Variants in FAM120C observed in about 807,000 individuals in gnomAD.
FAM120C encodes the protein constitutive coactivator of PPAR-gamma-like protein 2.
Under a neutral mutation model 71.2 loss-of-function variants are expected in FAM120C, and 14 were observed. The ratio of observed to expected loss-of-function variants is 0.20; its 90% confidence interval spans 0.13 to 0.31. The LOEUF (loss-of-function observed/expected upper bound fraction) is 0.31. Among genes scored for constraint, FAM120C ranks in the 10% least tolerant of loss-of-function variants. FAM120C has a pLI of 1.00. For missense variants in FAM120C, 500 were observed against 879.0 expected (o/e 0.57, Z 5.45); for synonymous variants, 354 against 353.2 (o/e 1.00, Z -0.03).
chrX:54,177,093 A>AT (rs1372284754), intron 1 of FAM120C, among the ~76,000 whole-genome samples: 2 of 111,577 alleles, frequency 1.8e-5, no homozygotes, highest in Non-Finnish European at 3.8e-5. Flanking sequence ...AACTAAGAAA[A>AT]TATAGAATGG....
chrX:54,078,345 C>T (rs955294230), intron 15 of FAM120C, among the ~76,000 whole-genome samples: 91 of 111,179 alleles, frequency 8.2e-4, no homozygotes, highest in African/African-American at 5.2e-4. Flanking sequence ...TACTACCTTA[C>T]GAGAGCCTAT....
rs182857975 is a variant in FAM120C, at chrX:54,106,602, A to G, written c.2312+9943T>C. Among the ~76,000 whole-genome samples the G allele has an allele frequency of 3.6e-5, 4 of 112,278 alleles. No individual in the cohort carries two copies. In the Admixed American group the frequency reaches 3.8e-4, roughly 11 times the overall value. On this transcript the variant is annotated intron_variant, in intron 10 of 15. Coordinates refer to ENST00000375180, the MANE Select transcript of FAM120C (RefSeq NM_017848.6). Reference sequence around the variant, plus strand: ...AAGCTTCTGCACAGCAAAAGAAACTATCATCAGAGTGAACAGGCAACCTAC... The same window carrying G: ...AAGCTTCTGCACAGCAAAAGAAACTGTCATCAGAGTGAACAGGCAACCTAC...
At chrX:54,112,213 T>TC (rs1334773069) in intron 10 of FAM120C, among the ~76,000 whole-genome samples, 3 of 108,278 alleles carry the variant, frequency 2.8e-5, no homozygotes, top group African/African-American at 1.0e-4. Context: ...GGTCAGGAGT[T>TC]CGAGACTGGC....
intron 10 of FAM120C, among the ~76,000 whole-genome samples, chrX:54,111,781 AC>A (rs1247272461): frequency 1.8e-5 from 2 of 112,165 alleles, no homozygotes; most frequent in Non-Finnish European, 3.8e-5. Flanking sequence ...ATTAGAAAAA[AC>A]AATCCTAAAA....
At chrX:54,142,978 G>C (rs189637806) in intron 4 of FAM120C, among the ~76,000 whole-genome samples, 99 of 111,791 alleles carry the variant, frequency 8.9e-4, no homozygotes, top group African/African-American at 3.2e-3. Context: ...AGGTAAACAG[G>C]GTCTGGAGTG....
At chrX:54,107,282 C>T (rs1030081699) in intron 10 of FAM120C, among the ~76,000 whole-genome samples, 2 of 108,156 alleles carry the variant, frequency 1.8e-5, no homozygotes, top group Non-Finnish European at 3.8e-5. Context: ...TTTTTACTAG[C>T]GACGGGGTTT....
In FAM120C at chrX:54,070,393, T is replaced by A. The variant is rs1432782882; in HGVS notation, c.*2640A>T. 8.9e-6 allele frequency: 1 copy of A among 112,339 alleles called. No individual in the cohort carries two copies. Among genetic ancestry groups the A allele is most frequent in the African/African-American group, 3.2e-5 (1 of 30,970 alleles). 9.3% of individuals were successfully genotyped at this position (112,339 alleles called of 1,213,427 possible). On this transcript the variant is annotated 3_prime_UTR_variant, in exon 16 of 16. Coordinates refer to ENST00000375180, the MANE Select transcript of FAM120C (RefSeq NM_017848.6). ...CCTCTCACAGTGAATGCCTACAAAA[T>A]AAGAAATTTTCTTAATGGTGTGAGA...
At chrX:54,118,707 T>C (rs1177361876) in intron 9 of FAM120C, among the ~76,000 whole-genome samples, 148 of 87,389 alleles carry the variant, frequency 1.7e-3, no homozygotes, top group African/African-American at 4.3e-3. Flanking sequence ...TTCTTTTTTT[T>C]TTTTTTTTTT....
chrX:54,080,797 G>A (rs1485128430), intron 14 of FAM120C, among the ~76,000 whole-genome samples: 1 of 107,169 alleles, frequency 9.3e-6, no homozygotes, highest in East Asian at 2.9e-4. Flanking sequence ...CGGAGGTGGA[G>A]GTTGCAGTGT....
intron 15 of FAM120C, among the ~76,000 whole-genome samples, chrX:54,078,298 G>A (rs2066747083): frequency 9.0e-6 from 1 of 110,672 alleles, no homozygotes; most frequent in South Asian, 3.8e-4. Context: ...TATGCCTGAT[G>A]ACCAGACCCT....
chrX:54,137,625 T>C (rs371470276), intron 4 of FAM120C, among the ~76,000 whole-genome samples: 3 of 112,007 alleles, frequency 2.7e-5, no homozygotes, highest in East Asian at 5.6e-4. Context: ...ATATTGTCTA[T>C]ATAAATTTTT....
chrX:54,134,115 C>A lies in FAM120C; in HGVS notation c.1617-69G>T. On this transcript the variant is annotated intron_variant, in intron 7 of 15. Coordinates refer to ENST00000375180, the MANE Select transcript of FAM120C (RefSeq NM_017848.6). Reference sequence around the variant, plus strand: ...GATAAAGATATTCCTACTTAAGATGCCTGTTCTGGACCCAAGGGGTCTCAC... The same window carrying A: ...GATAAAGATATTCCTACTTAAGATGACTGTTCTGGACCCAAGGGGTCTCAC... 3.7e-6 allele frequency: 4 copies of A among 1,080,690 alleles called. No homozygotes were observed. In the South Asian group the frequency reaches 8.5e-5, roughly 23 times the overall value. 89.1% of individuals were successfully genotyped at this position (1,080,690 alleles called of 1,213,427 possible).
chrX:54,083,480 A>G (rs868938292), intron 13 of FAM120C, among the ~76,000 whole-genome samples: 1 of 46,835 alleles, frequency 2.1e-5, no homozygotes, highest in African/African-American at 6.3e-5. Context: ...CACACACACC[A>G]AAATATTAGT....
chrX:54,161,217 C>T (rs1462591372), intron 1 of FAM120C, among the ~76,000 whole-genome samples: 1 of 111,965 alleles, frequency 8.9e-6, no homozygotes, highest in Non-Finnish European at 1.9e-5. Context: ...GGTTGAGCAT[C>T]CATTTACCTT....
At chrX:54,103,588 A>G (rs1557124412) in intron 10 of FAM120C, among the ~76,000 whole-genome samples, 1 of 111,622 alleles carries the variant, frequency 9.0e-6, no homozygotes, top group East Asian at 2.8e-4. Context: ...TCTCTTCCTC[A>G]TTGATTTGTG....
At chrX:54,081,587 A>ACAGGGTTTCAC in intron 13 of FAM120C, 127 bp from the exon 14 acceptor site, 1 of 654,251 alleles carries the variant, frequency 1.5e-6, no homozygotes. Context: ...AGCCTAGCCA[A>ACAGGGTTTCAC]CATGGTGAAA....
chrX:54,164,002 G>A (rs918884712), intron 1 of FAM120C, among the ~76,000 whole-genome samples: 1 of 107,991 alleles, frequency 9.3e-6, no homozygotes, highest in East Asian at 2.9e-4. Flanking sequence ...GCGCGATCTC[G>A]GCTCACCGCA....
At chrX:54,108,673 G>C (rs978553170) in intron 10 of FAM120C, among the ~76,000 whole-genome samples, 1 of 111,399 alleles carries the variant, frequency 9.0e-6, no homozygotes, top group Non-Finnish European at 1.9e-5. Flanking sequence ...GCTCACGCCT[G>C]TAATCCCAGC....
chrX:54,080,113 G>A (rs187858364), intron 15 of FAM120C, 119 bp downstream of exon 15: 1 of 547,589 alleles, frequency 1.8e-6, no homozygotes, highest in East Asian at 3.5e-5. Flanking sequence ...ATGCCTGGAG[G>A]AGTTGAGAAG....
Sources: allele counts gnomAD v4.1 joint callset (sites outside exome capture counted in the v4.1 genomes callset), GRCh38; gene constraint gnomAD v4.1.1; transcripts MANE v1.5; gene names NCBI Gene and HGNC (gene_info 2026-07-23, HGNC 2026-07-21).